SNAPC4: variants seen among roughly 807,000 people sequenced by gnomAD.
SNAPC4 encodes snRNA-activating protein complex subunit 4.
Under a neutral mutation model 151.3 loss-of-function variants are expected in SNAPC4, and 127 were observed. The ratio of observed to expected loss-of-function variants is 0.84; its 90% CI spans 0.73 to 0.97. The LOEUF (loss-of-function observed/expected upper bound fraction) is 0.97. Among genes scored for constraint, SNAPC4 ranks in the 50% least tolerant of loss-of-function variants. The pLI, the probability that SNAPC4 is intolerant of heterozygous loss-of-function variation, is 0.00. For synonymous variants in SNAPC4, 1,002 were observed against 824.4 expected, an observed-to-expected ratio of 1.22 and a Z score of -3.69; for missense variants, 2,186 against 1,935.0, an observed-to-expected ratio of 1.13 and a Z score of -2.43.
intron 9 of SNAPC4, 152 bp from the exon 10 acceptor site, chr9:136,392,258 G>A (rs1273399314): frequency 3.0e-6 from 3 of 996,840 alleles, no homozygotes; most frequent in African/African-American, 3.2e-5. Context: ...GCCTTGCATA[G>A]CCAAACATGT....
chr9:136,392,461 A>T, intron 9 of SNAPC4, 61 bp downstream of exon 9: 1 of 1,533,950 alleles, frequency 6.5e-7, no homozygotes. Flanking sequence ...TTCCAACTGC[A>T]CCCGGGCTAC....
At chr9:136,392,896 C>G in intron 7 of SNAPC4, 119 bp from the exon 8 acceptor site, 1 of 801,000 alleles carries the variant, frequency 1.2e-6, no homozygotes, top group Non-Finnish European at 2.0e-6. Context: ...CCTCCCTCAC[C>G]CTCCCTGCCT....
intron 13 of SNAPC4, among the ~76,000 whole-genome samples, chr9:136,387,183 G>C (rs1833917850): frequency 6.6e-6 from 1 of 152,226 alleles, no homozygotes. Flanking sequence ...AGCATTCTGA[G>C]AGAACTGAGA....
intron 20 of SNAPC4, among the ~76,000 whole-genome samples, chr9:136,380,086 A>C (rs1393583776): frequency 6.6e-6 from 1 of 152,204 alleles, no homozygotes. Context: ...AGAGCCACCC[A>C]GAGTGGGCAG....
intron 19 of SNAPC4, 93 bp from the exon 20 acceptor site, chr9:136,380,943 G>A (rs1833667444): frequency 5.6e-6 from 4 of 720,632 alleles, no homozygotes; most frequent in Non-Finnish European, 9.7e-6. Context: ...CAGCCCTGAG[G>A]CTGGGGCGGC....
rs1460121966 is a variant in SNAPC4, at chr9:136,376,454, C to A, written c.4312G>T (p.Ala1438Ser). ...TTAGAAGTATCCAGGCAGGAGGAAG[C>A]AGAGCATTTACCAGAGTCTGGGGCT... ...QGAPDSGKCSASSCLDTSNDP... is the reference protein window; with the variant it reads ...QGAPDSGKCSSSSCLDTSNDP... Residue 1438 changes from alanine to serine, a missense_variant, in exon 23 of 24, where the codon GCT becomes TCT. Ala to Ser is a moderately conservative substitution (Grantham distance 99). Coordinates refer to ENST00000684778, the MANE Select transcript of SNAPC4 (RefSeq NM_003086.4). 1 of 1,613,262 alleles carries A rather than the reference C, an allele frequency of 6.2e-7. No homozygotes were observed. Among genetic ancestry groups the A allele is most frequent in the Non-Finnish European group, 8.5e-7 (1 of 1,179,890 alleles).
chr9:136,380,669 TC>T, intron 20 of SNAPC4, 70 bp downstream of exon 20: 1 of 856,946 alleles, frequency 1.2e-6, no homozygotes, highest in South Asian at 1.5e-5. Context: ...GCAGCCAGCC[TC>T]CGTGGAAACC....
At chr9:136,395,552 G>A in intron 4 of SNAPC4, 51 bp downstream of exon 4, 2 of 1,573,584 alleles carry the variant, frequency 1.3e-6, no homozygotes, top group Non-Finnish European at 1.7e-6. Flanking sequence ...AGCTGTGGGG[G>A]GCTCTGGGGG....
chr9:136,388,495 T>A lies in SNAPC4; in HGVS notation c.1072A>T (p.Thr358Ser). ...EWTEEEDRML[T>S]QLVQEMRVGS... ...ACGCGCATCTCCTGCACCAGCTGCG[T>A]GAGCATGCGGTCCTCCTCCTCTGTC... Residue 358 changes from threonine to serine, a missense_variant, in exon 11 of 24, where the codon ACG becomes TCG. Thr to Ser is a moderately conservative substitution (Grantham distance 58). Transcript: ENST00000684778. The A allele has an allele frequency of 6.2e-7, 1 of 1,614,014 alleles. No homozygotes were observed. The highest frequency in any genetic ancestry group is 8.5e-7 in the Non-Finnish European group (1 of 1,180,020).
chr9:136,399,497 C>G (rs527729442), intron 1 of SNAPC4, among the ~76,000 whole-genome samples: 5 of 152,222 alleles, frequency 3.3e-5, no homozygotes, highest in Non-Finnish European at 5.9e-5. Context: ...GCTGCCTCCC[C>G]CTCCCCGTGT....
chr9:136,398,205 G>A, intron 2 of SNAPC4, 94 bp downstream of exon 2: 2 of 1,360,540 alleles, frequency 1.5e-6, no homozygotes, highest in Non-Finnish European at 2.0e-6. Context: ...ACCACACCCG[G>A]CTACCATCAC....
rs1390251977 is a variant in SNAPC4 at position 136,383,686 on chromosome 9, C to A, written c.1501-18G>T. 1.9e-6 allele frequency: 3 copies of A among 1,586,812 alleles called. No homozygotes were observed. Among genetic ancestry groups the A allele is most frequent in the Non-Finnish European group, 2.6e-6 (3 of 1,165,820 alleles). On this transcript the variant is annotated intron_variant, in intron 15 of 23. Transcript: ENST00000684778. This position sits in a 1 kb window ranked among gnomAD's most constrained non-coding sequence, Gnocchi z 4.2. ...TGCTTCTTCTGAGGGGAGGAAAGAG[C>A]TACTTAGAGGCCTTGGCAAGCCCGG...
chr9:136,390,743 AAAAG>A (rs1216296170), intron 10 of SNAPC4, among the ~76,000 whole-genome samples: 1 of 151,956 alleles, frequency 6.6e-6, no homozygotes, highest in Non-Finnish European at 1.5e-5. Context: ...AAAAAAGAAA[AAAAG>A]AAAGCAGACC....
At chr9:136,397,622 T>TG (rs1461471458) in intron 2 of SNAPC4, among the ~76,000 whole-genome samples, 5 of 90,888 alleles carry the variant, frequency 5.5e-5, no homozygotes, top group African/African-American at 2.2e-4. Flanking sequence ...GGGGAGCACG[T>TG]GGGGTGGGGA....
intron 3 of SNAPC4, 100 bp from the exon 4 acceptor site, chr9:136,395,870 G>GCC: frequency 1.7e-6 from 2 of 1,200,358 alleles, no homozygotes; most frequent in Non-Finnish European, 2.4e-6. Flanking sequence ...GGACACCGAG[G>GCC]CAGCTCTGGC....
In SNAPC4 at chr9:136,383,880, C is replaced by G; in HGVS notation, c.1500+73G>C. On this transcript the variant is annotated intron_variant, in intron 15 of 23. Coordinates refer to ENST00000684778, the MANE Select transcript of SNAPC4 (RefSeq NM_003086.4). The surrounding 1 kb of genome is among the most constrained non-coding windows in gnomAD (Gnocchi z 4.2). The stretch of plus-strand genomic sequence containing the variant: ...CCGAACGCCCCCCTCCCCTCCCCTC[C>G]TCCTGCCTGCTGGACCCCCCAGTTG... 1.1e-5 allele frequency: 16 copies of G among 1,443,838 alleles called. No homozygotes were observed. Among genetic ancestry groups the G allele is most frequent in the Middle Eastern group, 1.9e-4 (1 of 5,298 alleles). The allele number at this position is 1,443,838 out of a possible 1,614,324, so 89.4% of individuals were successfully genotyped here. A position where few individuals can be genotyped will look rare whatever the true frequency, so the allele number is the denominator to read the frequency against.
intron 1 of SNAPC4, 170 bp from the exon 2 acceptor site, chr9:136,398,607 C>T (rs1263113385): frequency 2.9e-6 from 2 of 682,900 alleles, no homozygotes; most frequent in African/African-American, 3.6e-5. Context: ...AACCCTGGGA[C>T]AGGAACCTCA....
Position 136,377,635 on chromosome 9 carries a change from A to G in SNAPC4, c.4192T>C (p.Ser1398Pro). Reference protein sequence around the residue: ...TTLSVPSRVGSESEDEDLLSE... With the variant: ...TTLSVPSRVGPESEDEDLLSE... ...AGGAGGTCTTCATCCTCACTCTCAG[A>G]GCCCACCCTCGAAGGTACTGAGAGG... Residue 1398 changes from serine to proline, a missense_variant, in exon 22 of 24, where the codon TCT becomes CCT. Physicochemically the swap from Ser to Pro is moderately conservative, Grantham distance 74. Coordinates refer to ENST00000684778, the MANE Select transcript of SNAPC4 (RefSeq NM_003086.4). The G allele has an allele frequency of 1.3e-6, 2 of 1,583,666 alleles. No individual in the cohort carries two copies. Among genetic ancestry groups the G allele is most frequent in the Non-Finnish European group, 1.7e-6 (2 of 1,163,282 alleles).
chr9:136,390,847 T>A, intron 10 of SNAPC4, among the ~76,000 whole-genome samples: 1 of 151,844 alleles, frequency 6.6e-6, no homozygotes, highest in African/African-American at 2.4e-5. Flanking sequence ...TTTATTTTTT[T>A]TTTTTTTGAG....
Sources: gnomAD v4.1 joint callset for allele counts (sites outside exome capture counted in the v4.1 genomes callset) on GRCh38, gnomAD v4.1.1 for gene constraint, Gnocchi (gnomAD v3.1) non-coding constraint, MANE v1.5 for transcripts, NCBI Gene and HGNC (gene_info 2026-07-23, HGNC 2026-07-21) for gene names.